Variants in ARHGEF16 observed in about 807,000 individuals in gnomAD.
ARHGEF16 encodes the protein Rho guanine exchange factor (GEF) 16.
In ARHGEF16, 59 loss-of-function variants were observed where a neutral mutation model predicts 74.1. The ratio of observed to expected loss-of-function variants is 0.80; its 90% CI spans 0.65 to 0.99. The LOEUF is 0.99. Ranked by LOEUF, ARHGEF16 falls within the 50% of genes least tolerant of loss-of-function variation. The probability of loss-of-function intolerance (pLI) is 0.00; values close to 1 mark genes in which losing one functional copy is unlikely to be tolerated. For missense variants in ARHGEF16, 948 were observed against 986.6 expected, an observed-to-expected ratio of 0.96 and a Z score of 0.52; for synonymous variants, 415 against 412.6, an observed-to-expected ratio of 1.01 and a Z score of -0.07.
At chr1:3,475,946 TCA>T in intron 9 of ARHGEF16, 22 bp from the exon 10 acceptor site, 1 of 1,545,288 alleles carries the variant, frequency 6.5e-7, no homozygotes, top group Non-Finnish European at 8.7e-7. Flanking sequence ...CACCAGCCTC[TCA>T]CACGGGAACC....
In ARHGEF16 at chr1:3,459,160, G is replaced by A. The variant is rs374798750; in HGVS notation, c.-19-3906G>A. ...GGACCCTACGGGGGCACATCAGCAC[G>A]ACAATCAGAGCTCCCAGGCTGGCTC... On this transcript the variant is annotated intron_variant, in intron 1 of 14. Coordinates refer to ENST00000378378, the MANE Select transcript of ARHGEF16 (RefSeq NM_014448.4). Among the ~76,000 whole-genome samples, 563 of 152,290 alleles carry A rather than the reference G, an allele frequency of 3.7e-3. 2 individuals are homozygous for A. The highest frequency in any genetic ancestry group is 0.01 in the African/African-American group (429 of 41,566).
At position 3,467,269 on chromosome 1, in the gene ARHGEF16, A is replaced by G. The variant is rs539031903; in HGVS notation, c.736A>G (p.Lys246Glu). 8.4e-5 allele frequency: 130 copies of G among 1,550,444 alleles called. No homozygotes were observed. Among genetic ancestry groups the G allele is most frequent in the Admixed American group, 5.1e-4 (26 of 50,992 alleles). ...GTCCTCCAGCCCCGAGGGAACCCAG[A>G]AGGTGGACGCCACCATTGTGGTCAA... ...DESSSPEGTQ[K>E]VDATIVVKSY... The change falls in exon 4 of 15, where the codon AAG (lysine) becomes GAG (glutamate). Residue 246 changes from lysine to glutamate, a missense_variant. Physicochemically the swap from Lys to Glu is moderately conservative, Grantham distance 56 (BLOSUM62 1). Transcript: ENST00000378378.
chr1:3,460,086 C>T (rs1639356861), intron 1 of ARHGEF16, among the ~76,000 whole-genome samples: 1 of 152,226 alleles, frequency 6.6e-6, no homozygotes, highest in African/African-American at 2.4e-5. Flanking sequence ...GCAACGGGTG[C>T]CTGCCAGGGC....
chr1:3,480,521 C>T lies in ARHGEF16; in HGVS notation c.2064C>T (p.Thr688=). ...CCGAGGACTTTGCCCGCTTCATCACCAGCCGTGTGGCCGTGGAGGGCAATG... is the reference window on the plus strand; with the variant it reads ...CCGAGGACTTTGCCCGCTTCATCACTAGCCGTGTGGCCGTGGAGGGCAATG... The part of the protein sequence containing the change: ...WFPEDFARFI[T]SRVAVEGNVR... Residue 688 remains threonine (T), a synonymous_variant, in exon 15 of 15, where the codon ACC becomes ACT. Transcript: ENST00000378378. 6.2e-7 allele frequency: 1 copy of T among 1,612,428 alleles called. No homozygotes were observed. Among genetic ancestry groups the T allele is most frequent in the South Asian group, 1.1e-5 (1 of 91,086 alleles).
intron 3 of ARHGEF16, 43 bp from the exon 4 acceptor site, chr1:3,467,125 T>G: frequency 1.3e-6 from 2 of 1,524,378 alleles, no homozygotes; most frequent in Non-Finnish European, 1.8e-6. Flanking sequence ...CGCAGCCTTT[T>G]GCAATCCCCC....
intron 3 of ARHGEF16, among the ~76,000 whole-genome samples, 155 bp downstream of exon 3, chr1:3,466,348 G>C (rs189255465): frequency 5.8e-4 from 89 of 152,264 alleles, no homozygotes; most frequent in African/African-American, 2.1e-3. Flanking sequence ...CCAGTGGCTG[G>C]TCTGTTCATG....
At chr1:3,464,130 G>A (rs905704031) in intron 2 of ARHGEF16, among the ~76,000 whole-genome samples, 3 of 131,602 alleles carry the variant, frequency 2.3e-5, no homozygotes, top group Non-Finnish European at 5.2e-5. Flanking sequence ...CTGGGGCTTA[G>A]GAGAAGTCTG....
In ARHGEF16 at chr1:3,474,800, C is replaced by G; in HGVS notation, c.1380+18C>G. ...TCAGCAAGGTAAGATGGGGCCTGGC[C>G]CCAGCCCTACCCGAGTCCTGTACCC... On this transcript the variant is annotated intron_variant, in intron 9 of 14. Transcript: ENST00000378378. 1.9e-6 allele frequency: 3 copies of G among 1,610,938 alleles called. No homozygotes were observed. Among genetic ancestry groups the G allele is most frequent in the Non-Finnish European group, 2.5e-6 (3 of 1,178,314 alleles).
At chr1:3,466,294 G>C (rs1169761713) in intron 3 of ARHGEF16, 101 bp downstream of exon 3, 89 of 1,293,680 alleles carry the variant, frequency 6.9e-5, no homozygotes, top group Non-Finnish European at 8.9e-5. Context: ...GGTGTCTCGG[G>C]GTCACCAAAG....
At chr1:3,457,734 C>T (rs1474966194) in intron 1 of ARHGEF16, among the ~76,000 whole-genome samples, 1 of 152,198 alleles carries the variant, frequency 6.6e-6, no homozygotes, top group Non-Finnish European at 1.5e-5. Flanking sequence ...CTTGGACCGG[C>T]CAGGCGGGGG....
In ARHGEF16 at chr1:3,463,600, G is replaced by A; in HGVS notation, c.516G>A (p.Gln172=). Residue 172 remains glutamine (Q), a synonymous_variant, in exon 2 of 15, where the codon CAG becomes CAA. Transcript: ENST00000378378. Reference sequence around the variant, plus strand: ...CAGGTGGCCAGGGAGATGCCATCCAGCTAAGCCCTAAGCTCCAGGCTCTGG... The same window carrying A: ...CAGGTGGCCAGGGAGATGCCATCCAACTAAGCCCTAAGCTCCAGGCTCTGG... The part of the protein sequence containing the change: ...GKPGGQGDAI[Q]LSPKLQALAE... 1 of 1,446,622 alleles carries A rather than the reference G, an allele frequency of 6.9e-7. No homozygotes were observed. The highest frequency in any genetic ancestry group is 9.1e-7 in the Non-Finnish European group (1 of 1,096,138). The allele number at this position is 1,446,622 out of a possible 1,614,324, so 89.6% of individuals were successfully genotyped here. A position where few individuals can be genotyped will look rare whatever the true frequency, so the allele number is the denominator to read the frequency against.
rs944246384 is a variant in ARHGEF16 at position 3,468,868 on chromosome 1, G to A, written c.805-12G>A. 1.5e-5 allele frequency: 23 copies of A among 1,550,372 alleles called. No homozygotes were observed. Among genetic ancestry groups the A allele is most frequent in the Non-Finnish European group, 1.9e-5 (22 of 1,146,838 alleles). On this transcript the variant is annotated splice_polypyrimidine_tract_variant and intron_variant, in intron 4 of 14. Transcript: ENST00000378378. ...CGTGTGACCGAGAGCTCCTGGGCCTGTGTCCCCCCAGGTGGTGGAATTGGG... is the reference window on the plus strand; with the variant it reads ...CGTGTGACCGAGAGCTCCTGGGCCTATGTCCCCCCAGGTGGTGGAATTGGG...
At chr1:3,468,988 C>A in intron 5 of ARHGEF16, 52 bp downstream of exon 5, 1 of 1,544,870 alleles carries the variant, frequency 6.5e-7, no homozygotes, top group East Asian at 2.4e-5. Flanking sequence ...GGCCATGCAA[C>A]ACCCGGGGAG....
chr1:3,477,817 G>A (rs1279563529), intron 10 of ARHGEF16, 58 bp from the exon 11 acceptor site: 40 of 1,573,852 alleles, frequency 2.5e-5, no homozygotes, highest in Middle Eastern at 2.1e-4. Flanking sequence ...TGCTCACCCC[G>A]GCTCTGTCCC....
chr1:3,457,375 G>A (rs1639288431), intron 1 of ARHGEF16, among the ~76,000 whole-genome samples: 2 of 152,230 alleles, frequency 1.3e-5, no homozygotes. Flanking sequence ...CCTGAGGGTG[G>A]GACCACATGA....
intron 1 of ARHGEF16, among the ~76,000 whole-genome samples, chr1:3,457,623 G>A (rs1212467988): frequency 6.6e-6 from 1 of 152,216 alleles, no homozygotes; most frequent in Non-Finnish European, 1.5e-5. Context: ...AACCAACACT[G>A]GGTCCGAGAT....
chr1:3,468,028 G>C (rs1270067518), intron 4 of ARHGEF16, among the ~76,000 whole-genome samples: 1 of 152,162 alleles, frequency 6.6e-6, no homozygotes, highest in Non-Finnish European at 1.5e-5. Flanking sequence ...TGGGACCCCG[G>C]CCAGGGCAGG....
At position 3,478,006 on chromosome 1, in the gene ARHGEF16, G is replaced by C. The variant is rs1333010651; in HGVS notation, c.1605G>C (p.Leu535=). Residue 535 remains leucine, a synonymous_variant, in exon 11 of 15, where the codon CTG becomes CTC. Transcript: ENST00000378378. The part of the protein sequence containing the change: ...TCYLFLFNDV[L]VVTKKKSEES... Reference sequence around the variant, plus strand: ...ACCTTTTCCTGTTCAACGATGTCCTGGTTGTGACCAAGAAGAAGAGGTGGC... The same window carrying C: ...ACCTTTTCCTGTTCAACGATGTCCTCGTTGTGACCAAGAAGAAGAGGTGGC... The C allele has an allele frequency of 6.2e-7, 1 of 1,612,726 alleles. No individual in the cohort carries two copies. Among genetic ancestry groups the C allele is most frequent in the Admixed American group, 1.7e-5 (1 of 60,026 alleles).
chr1:3,478,924 G>C (rs965868705), intron 12 of ARHGEF16, among the ~76,000 whole-genome samples: 3 of 152,162 alleles, frequency 2.0e-5, no homozygotes, highest in African/African-American at 7.2e-5. Flanking sequence ...GCAGAGGGAG[G>C]TGGGGCCGGA....
Sources: allele counts gnomAD v4.1 joint callset (sites outside exome capture counted in the v4.1 genomes callset), GRCh38; gene constraint gnomAD v4.1.1; transcripts MANE v1.5; gene names NCBI Gene and HGNC (gene_info 2026-07-23, HGNC 2026-07-21).